The following CNTNAP2 variants were observed in gnomAD, a reference collection of about 807,000 sequenced individuals.
The protein encoded by CNTNAP2 is contactin-associated protein-like 2.
In CNTNAP2, 98 loss-of-function variants were observed where a neutral mutation model predicts 155.2. The observed-to-expected ratio is 0.63, with a 90% CI of 0.54 to 0.75. The LOEUF (loss-of-function observed/expected upper bound fraction) is 0.75. CNTNAP2 is among the 30% of genes least tolerant of loss of function. The pLI is 0.00. For missense variants in CNTNAP2, 1,727 were observed against 1,688.1 expected (o/e 1.02, Z -0.40); for synonymous variants, 651 against 631.2 (o/e 1.03, Z -0.47).
intron 13 of CNTNAP2, among the ~76,000 whole-genome samples, chr7:147,735,760 C>T (rs1796832653): frequency 6.6e-6 from 1 of 151,854 alleles, no homozygotes; most frequent in Non-Finnish European, 1.5e-5. Context: ...TGAATTGATC[C>T]CTTTACCATT....
chr7:148,196,027 A>G (rs563026232), intron 18 of CNTNAP2, among the ~76,000 whole-genome samples: 35 of 152,364 alleles, frequency 2.3e-4, no homozygotes, highest in African/African-American at 7.9e-4. Context: ...GTCAAATCTA[A>G]TCAGTTTGGT....
At chr7:148,405,697 C>T (rs552085952) in intron 22 of CNTNAP2, among the ~76,000 whole-genome samples, 96 of 140,136 alleles carry the variant, frequency 6.9e-4, no homozygotes, top group Middle Eastern at 4.3e-3. Context: ...CTCACTGCAA[C>T]CTCTGCCTCC....
intron 21 of CNTNAP2, among the ~76,000 whole-genome samples, chr7:148,369,293 G>A (rs144356874): frequency 0.011 from 1,428 of 135,062 alleles, 23 homozygotes; most frequent in African/African-American, 0.037. Flanking sequence ...CCGCCTCCCA[G>A]GTTCAAGCCA....
At chr7:147,174,980 G>A (rs994707326) in intron 8 of CNTNAP2, among the ~76,000 whole-genome samples, 2 of 151,966 alleles carry the variant, frequency 1.3e-5, no homozygotes, top group African/African-American at 2.4e-5. Context: ...CCATACCGCC[G>A]ACTCCATCAT....
intron 1 of CNTNAP2, among the ~76,000 whole-genome samples, chr7:146,308,521 A>C (rs977284990): frequency 6.6e-6 from 1 of 152,176 alleles, no homozygotes; most frequent in Non-Finnish European, 1.5e-5. Flanking sequence ...ATGAAGACAC[A>C]TGCACATGTA....
At chr7:147,240,383 G>GTCACA (rs1803909040) in intron 8 of CNTNAP2, among the ~76,000 whole-genome samples, 5 of 152,146 alleles carry the variant, frequency 3.3e-5, no homozygotes, top group Admixed American at 2.0e-4. Flanking sequence ...AGCAAATACA[G>GTCACA]GTAAACCAGT....
intron 1 of CNTNAP2, among the ~76,000 whole-genome samples, chr7:146,519,343 G>A (rs1797584832): frequency 6.6e-6 from 1 of 151,844 alleles, no homozygotes; most frequent in Non-Finnish European, 1.5e-5. Context: ...AGAGGGAACA[G>A]ATGAGGGAGG....
intron 13 of CNTNAP2, among the ~76,000 whole-genome samples, chr7:147,760,432 A>T (rs948076129): frequency 1.3e-5 from 2 of 152,204 alleles, no homozygotes; most frequent in Non-Finnish European, 2.9e-5. Context: ...ACATACTCTC[A>T]GCCACTTTGA....
At chr7:146,500,672 G>A (rs7795332) in intron 1 of CNTNAP2, among the ~76,000 whole-genome samples, 19,941 of 152,090 alleles carry the variant, frequency 0.13, 1,900 homozygotes, top group Admixed American at 0.32. Context: ...GTTTCAAAGG[G>A]ATGGCTTTGT....
intron 1 of CNTNAP2, among the ~76,000 whole-genome samples, chr7:146,274,604 A>C (rs1800134686): frequency 6.6e-6 from 1 of 152,158 alleles, no homozygotes; most frequent in Non-Finnish European, 1.5e-5. Flanking sequence ...GGGAATGCTT[A>C]GTTATTATGT....
At chr7:147,288,077 C>T (rs1169253070) in intron 8 of CNTNAP2, among the ~76,000 whole-genome samples, 4 of 152,176 alleles carry the variant, frequency 2.6e-5, no homozygotes, top group African/African-American at 7.2e-5. Context: ...ATACACCAAG[C>T]ATATTTTCTC....
At chr7:147,528,206 T>C (rs1017373699) in intron 11 of CNTNAP2, among the ~76,000 whole-genome samples, 7 of 152,218 alleles carry the variant, frequency 4.6e-5, no homozygotes, top group Admixed American at 6.5e-5. Context: ...TCAAACTCAA[T>C]TGTGGCTGAA....
chr7:148,180,711 G>A (rs75181824), intron 18 of CNTNAP2, among the ~76,000 whole-genome samples: 1 of 152,330 alleles, frequency 6.6e-6, no homozygotes, highest in Non-Finnish European at 1.5e-5. Flanking sequence ...AGCAGAATTT[G>A]CAGTAAACAG....
chr7:147,306,196 A>G (rs565883045), intron 9 of CNTNAP2, among the ~76,000 whole-genome samples: 2 of 152,078 alleles, frequency 1.3e-5, no homozygotes, highest in African/African-American at 4.8e-5. Flanking sequence ...TTATTTTACA[A>G]CCCCCTCTAA....
chr7:147,052,349 A>G (rs1352182378), intron 4 of CNTNAP2, among the ~76,000 whole-genome samples: 4 of 152,156 alleles, frequency 2.6e-5, no homozygotes, highest in African/African-American at 9.6e-5. Context: ...GGCTCCCTGT[A>G]CACAATAAAT....
chr7:146,153,936 A>G (rs1351262361), intron 1 of CNTNAP2, among the ~76,000 whole-genome samples: 2 of 152,184 alleles, frequency 1.3e-5, no homozygotes, highest in Non-Finnish European at 2.9e-5. Context: ...CTGCCTCTTC[A>G]ATTCATTCCA....
chr7:146,813,332 A>T (rs2129194318), intron 2 of CNTNAP2, among the ~76,000 whole-genome samples: 1 of 152,340 alleles, frequency 6.6e-6, no homozygotes. Context: ...ACAGGGGCGG[A>T]GCTCCTGAAG....
intron 1 of CNTNAP2, among the ~76,000 whole-genome samples, chr7:146,331,202 G>C (rs1206295707): frequency 6.6e-6 from 1 of 151,618 alleles, no homozygotes; most frequent in Non-Finnish European, 1.5e-5. Flanking sequence ...TACTCGGGAG[G>C]CTGAGGCAGG....
At chr7:146,887,104 A>AT (rs922757354) in intron 3 of CNTNAP2, among the ~76,000 whole-genome samples, 6 of 151,178 alleles carry the variant, frequency 4.0e-5, no homozygotes, top group Non-Finnish European at 7.4e-5. Flanking sequence ...AAAAATCTTC[A>AT]TTTTTTTCTA....
Sources: allele counts gnomAD v4.1 joint callset (sites outside exome capture counted in the v4.1 genomes callset), GRCh38; gene constraint gnomAD v4.1.1; transcripts MANE v1.5; gene names NCBI Gene and HGNC (gene_info 2026-07-23, HGNC 2026-07-21).